Variants in NEK11 observed in about 807,000 individuals in gnomAD.
NEK11 encodes the protein serine/threonine-protein kinase Nek11.
NEK11 carries 72 observed loss-of-function variants against 80.7 expected under a neutral mutation model. The observed-to-expected ratio is 0.89, with a 90% CI of 0.74 to 1.08. The LOEUF (loss-of-function observed/expected upper bound fraction) is 1.08. Among genes scored for constraint, NEK11 ranks in the 50% least tolerant of loss-of-function variants. The pLI, the probability that NEK11 is intolerant of heterozygous loss-of-function variation, is 0.00. For missense variants in NEK11, 764 were observed against 763.6 expected (o/e 1.00, Z -0.01); for synonymous variants, 251 against 260.7 (o/e 0.96, Z 0.36).
chr3:131,044,415 T>A (rs1474049745), intron 3 of NEK11, among the ~76,000 whole-genome samples: 16 of 31,504 alleles, frequency 5.1e-4, no homozygotes, highest in South Asian at 1.0e-3. Flanking sequence ...ACCAAGCAAA[T>A]GGAAAGCAAA....
chr3:131,209,054 G>A (rs2094529875), intron 14 of NEK11, among the ~76,000 whole-genome samples: 1 of 152,126 alleles, frequency 6.6e-6, no homozygotes, highest in African/African-American at 2.4e-5. Context: ...GTTTTCAAAG[G>A]GAATGCTTTC....
At chr3:131,269,521 G>A (rs1379218265) in intron 16 of NEK11, among the ~76,000 whole-genome samples, 4 of 152,062 alleles carry the variant, frequency 2.6e-5, no homozygotes, top group Non-Finnish European at 2.9e-5. Context: ...GCTAGGCGAC[G>A]CCCCACCCTG....
At chr3:131,152,350 A>G in intron 7 of NEK11, 38 bp from the exon 8 acceptor site, 2 of 1,550,542 alleles carry the variant, frequency 1.3e-6, no homozygotes, top group Non-Finnish European at 1.7e-6. Context: ...AAAATAGGAT[A>G]TTTGTTCCTT....
chr3:131,192,395 A>T (rs561614477), intron 14 of NEK11, among the ~76,000 whole-genome samples: 3 of 152,180 alleles, frequency 2.0e-5, no homozygotes, highest in African/African-American at 7.2e-5. Flanking sequence ...CAAAAAATTA[A>T]ACATGGAATT....
intron 10 of NEK11, among the ~76,000 whole-genome samples, chr3:131,158,679 G>C (rs1448475572): frequency 1.3e-5 from 2 of 152,152 alleles, no homozygotes; most frequent in Non-Finnish European, 2.9e-5. Context: ...GAGGGCCCCG[G>C]CTCCCTGAGC....
intron 14 of NEK11, among the ~76,000 whole-genome samples, chr3:131,207,256 T>A (rs2718867): frequency 6.6e-6 from 1 of 152,042 alleles, no homozygotes; most frequent in Non-Finnish European, 1.5e-5. Flanking sequence ...TCTTCCACAA[T>A]GGTTGAACTA....
intron 5 of NEK11, among the ~76,000 whole-genome samples, chr3:131,119,830 G>A (rs530838215): frequency 6.6e-6 from 1 of 152,074 alleles, no homozygotes; most frequent in Non-Finnish European, 1.5e-5. Context: ...CCAGTTGCTT[G>A]GTAGATCTTC....
chr3:131,282,165 G>T (rs928829277), intron 17 of NEK11, among the ~76,000 whole-genome samples: 1 of 151,974 alleles, frequency 6.6e-6, no homozygotes, highest in African/African-American at 2.4e-5. Flanking sequence ...GAGGAGTAGG[G>T]GTTTGTGGTG....
intron 14 of NEK11, among the ~76,000 whole-genome samples, chr3:131,210,468 T>C (rs1317791551): frequency 6.6e-6 from 1 of 152,040 alleles, no homozygotes; most frequent in Non-Finnish European, 1.5e-5. Context: ...GGGTGGAGAG[T>C]TCTGTAGATG....
chr3:131,103,070 T>G (rs2078642018), intron 4 of NEK11, among the ~76,000 whole-genome samples: 1 of 152,192 alleles, frequency 6.6e-6, no homozygotes, highest in Non-Finnish European at 1.5e-5. Flanking sequence ...TTAGATCATT[T>G]TACTAATTCC....
intron 17 of NEK11, among the ~76,000 whole-genome samples, chr3:131,315,187 CTA>C (rs1561505430): frequency 1.3e-5 from 2 of 152,188 alleles, no homozygotes; most frequent in South Asian, 4.1e-4. Flanking sequence ...ATTTCTGACT[CTA>C]GTCTTCATGT....
At chr3:131,146,651 C>G (rs1004007121) in intron 7 of NEK11, among the ~76,000 whole-genome samples, 1 of 152,182 alleles carries the variant, frequency 6.6e-6, no homozygotes, top group South Asian at 2.1e-4. Flanking sequence ...TGATATTTAG[C>G]CCCTCTTGTT....
At chr3:131,043,741 T>C (rs1332656684) in intron 3 of NEK11, among the ~76,000 whole-genome samples, 5 of 152,104 alleles carry the variant, frequency 3.3e-5, no homozygotes, top group Non-Finnish European at 1.5e-5. Flanking sequence ...AGGCCAACAT[T>C]CAAATTCAGG....
intron 14 of NEK11, among the ~76,000 whole-genome samples, chr3:131,200,469 T>C (rs1250165892): frequency 3.0e-4 from 46 of 152,224 alleles, no homozygotes; most frequent in Admixed American, 3.0e-3. Context: ...CTCAATAATT[T>C]TACTCCTGGG....
intron 14 of NEK11, among the ~76,000 whole-genome samples, chr3:131,179,622 C>T (rs1199487607): frequency 1.3e-5 from 2 of 152,074 alleles, no homozygotes; most frequent in Non-Finnish European, 2.9e-5. Context: ...GACTTATACT[C>T]CTAATAGTTC....
chr3:131,276,730 A>T (rs1184481190), intron 17 of NEK11, among the ~76,000 whole-genome samples: 1 of 152,164 alleles, frequency 6.6e-6, no homozygotes, highest in Non-Finnish European at 1.5e-5. Context: ...TAAAAACAAG[A>T]ACATTCTCTT....
intron 17 of NEK11, among the ~76,000 whole-genome samples, chr3:131,319,504 T>C (rs1428794512): frequency 6.6e-6 from 1 of 152,162 alleles, no homozygotes; most frequent in Non-Finnish European, 1.5e-5. Context: ...ATGATTGTAA[T>C]AATTAACCAA....
At chr3:131,279,111 C>A (rs2096353580) in intron 17 of NEK11, among the ~76,000 whole-genome samples, 1 of 151,928 alleles carries the variant, frequency 6.6e-6, no homozygotes, top group Non-Finnish European at 1.5e-5. Flanking sequence ...CAGCTCACAC[C>A]TGTAATCCCA....
At chr3:131,239,182 T>C (rs1353881174) in intron 15 of NEK11, among the ~76,000 whole-genome samples, 3 of 151,876 alleles carry the variant, frequency 2.0e-5, no homozygotes, top group Non-Finnish European at 4.4e-5. Flanking sequence ...TTGCATGATT[T>C]GGTGGGATTT....
Sources: gnomAD v4.1 joint callset for allele counts (sites outside exome capture counted in the v4.1 genomes callset) on GRCh38, gnomAD v4.1.1 for gene constraint, MANE v1.5 for transcripts, NCBI Gene and HGNC (gene_info 2026-07-23, HGNC 2026-07-21) for gene names.